PRKN: variants seen among roughly 807,000 people sequenced by gnomAD.
PRKN encodes the protein parkin RBR E3 ubiquitin protein ligase, also known as E3 ubiquitin-protein ligase parkin.
Under a neutral mutation model 59.5 loss-of-function variants are expected in PRKN, and 56 were observed. The ratio of observed to expected loss-of-function variants is 0.94; its 90% confidence interval spans 0.76 to 1.18. The LOEUF is 1.18. Among genes scored for constraint, PRKN ranks in the 50% most tolerant of loss-of-function variants. The pLI is 0.00. For synonymous variants in PRKN, 250 were observed against 222.1 expected (o/e 1.13, Z -1.12); for missense variants, 657 against 596.4 (o/e 1.10, Z -1.06).
At chr6:161,430,377 G>T (rs1055838667) in intron 9 of PRKN, among the ~76,000 whole-genome samples, 3 of 152,182 alleles carry the variant, frequency 2.0e-5, no homozygotes, top group African/African-American at 7.2e-5. Flanking sequence ...GAGTTTTGGA[G>T]AGAACAGTGA....
At chr6:162,601,230 G>A (rs958792365) in intron 1 of PRKN, among the ~76,000 whole-genome samples, 1 of 151,760 alleles carries the variant, frequency 6.6e-6, no homozygotes, top group Non-Finnish European at 1.5e-5. Flanking sequence ...GCCCCACCCC[G>A]ATGACCTTAT....
rs77383917 is a variant in PRKN, at chr6:162,243,009, TAAAAAAAAAAAA to T, written c.412+19504_412+19515del. Reference sequence around the variant, plus strand: ...ATTACCCAAAGAGCTGTTGGTTCCTTAAAAAAAAAAAAACATTTATCAGCCAATCTTGCAGAC... The same window carrying T: ...ATTACCCAAAGAGCTGTTGGTTCCTTACATTTATCAGCCAATCTTGCAGAC... On this transcript the variant is annotated intron_variant, in intron 3 of 11. Transcript: ENST00000366898. Among the ~76,000 whole-genome samples the T allele has an allele frequency of 1.5e-3, 215 of 144,964 alleles. 3 individuals carry two copies. Among genetic ancestry groups the T allele is most frequent in the Non-Finnish European group, 6.7e-4 (44 of 65,282 alleles).
chr6:161,635,851 G>A (rs1366735315), intron 7 of PRKN, among the ~76,000 whole-genome samples: 1 of 152,142 alleles, frequency 6.6e-6, no homozygotes, highest in African/African-American at 2.4e-5. Context: ...TCCTGAAAGA[G>A]CTCTAATTAA....
chr6:162,453,973 A>G (rs886584276), intron 1 of PRKN, among the ~76,000 whole-genome samples: 2 of 152,192 alleles, frequency 1.3e-5, no homozygotes, highest in African/African-American at 4.8e-5. Flanking sequence ...GATGACAAAG[A>G]AAGGAGAAGA....
chr6:162,341,607 G>C (rs925341516), intron 2 of PRKN, among the ~76,000 whole-genome samples: 2 of 152,118 alleles, frequency 1.3e-5, no homozygotes, highest in African/African-American at 4.8e-5. Context: ...GTCCTTTGCA[G>C]GGACATGGAT....
intron 9 of PRKN, among the ~76,000 whole-genome samples, chr6:161,436,635 G>A (rs1345144933): frequency 6.6e-6 from 1 of 151,966 alleles, no homozygotes; most frequent in Non-Finnish European, 1.5e-5. Context: ...AGAAAGGCAT[G>A]ATGGGAACGT....
chr6:161,832,788 G>C lies in PRKN; in HGVS notation c.735-46880C>G, dbSNP rs188996055. Among the ~76,000 whole-genome samples the C allele has an allele frequency of 7.0e-4, 106 of 152,172 alleles. 1 individual carries two copies. The highest frequency in any genetic ancestry group is 3.9e-3 in the East Asian group (20 of 5,156). ...TCACCCTCCCCATTCTCTACGGTCT[G>C]TCTGGAGAAAGCTTTGTGGCGGCGC... On this transcript the variant is annotated intron_variant, in intron 6 of 11. Transcript: ENST00000366898.
intron 5 of PRKN, among the ~76,000 whole-genome samples, chr6:162,042,236 T>C (rs1005404497): frequency 2.6e-5 from 4 of 152,218 alleles, no homozygotes; most frequent in South Asian, 2.1e-4. Context: ...ATTTATTTTA[T>C]TGAAATAAAA....
At chr6:161,832,539 G>A (rs966472094) in intron 6 of PRKN, among the ~76,000 whole-genome samples, 2 of 149,286 alleles carry the variant, frequency 1.3e-5, no homozygotes, top group Middle Eastern at 3.6e-3. Context: ...CAGGAGAATC[G>A]CTTGAACCCA....
rs1785545899 is a variant in PRKN at position 161,373,959 on chromosome 6, CT to C, written c.1167+12834del. On this transcript the variant is annotated intron_variant, in intron 10 of 11. Transcript: ENST00000366898. This position sits in a 1 kb window ranked among gnomAD's most constrained non-coding sequence, Gnocchi z 4.8. Reference sequence around the variant, plus strand: ...CACTATGCAGGCGTGGCTGGGGTGCCTTTCAAAGTGGCGTTCACTCCCTTTT... The same window carrying C: ...CACTATGCAGGCGTGGCTGGGGTGCCTTCAAAGTGGCGTTCACTCCCTTTT... Among the ~76,000 whole-genome samples the C allele has an allele frequency of 6.6e-6, 1 of 152,170 alleles. No homozygotes were observed.
intron 4 of PRKN, among the ~76,000 whole-genome samples, chr6:162,124,594 AGGTTGTG>A (rs1470765958): frequency 1.3e-5 from 2 of 152,126 alleles, no homozygotes; most frequent in Non-Finnish European, 2.9e-5. Context: ...ATGAACGTTG[AGGTTGTG>A]GGTGTGGCTG....
chr6:162,269,126 G>C (rs916550905), intron 2 of PRKN, among the ~76,000 whole-genome samples: 3 of 152,136 alleles, frequency 2.0e-5, no homozygotes, highest in African/African-American at 7.2e-5. Flanking sequence ...CCGGATGCTG[G>C]TGCTGGCTCA....
intron 1 of PRKN, among the ~76,000 whole-genome samples, chr6:162,498,373 T>A (rs1202386200): frequency 1.5e-5 from 2 of 132,798 alleles, no homozygotes; most frequent in East Asian, 4.2e-4. Context: ...TCCAGCAGAA[T>A]CATTTTTTTT....
chr6:162,338,538 TCTC>T (rs1783961758), intron 2 of PRKN, among the ~76,000 whole-genome samples: 1 of 151,918 alleles, frequency 6.6e-6, no homozygotes, highest in Admixed American at 6.6e-5. Flanking sequence ...GCAGACGGAG[TCTC>T]CTTCACTCAG....
At chr6:162,512,589 C>T (rs1250049897) in intron 1 of PRKN, among the ~76,000 whole-genome samples, 2 of 152,140 alleles carry the variant, frequency 1.3e-5, no homozygotes, top group South Asian at 2.1e-4. Context: ...ATAGGTGTTA[C>T]TAATTTTGTC....
At chr6:161,957,649 T>A (rs1011696912) in intron 6 of PRKN, among the ~76,000 whole-genome samples, 3 of 152,164 alleles carry the variant, frequency 2.0e-5, no homozygotes, top group African/African-American at 7.2e-5. Context: ...GGTCTCAATC[T>A]CCTGACCTTG....
chr6:162,255,908 G>A (rs1169631343), intron 3 of PRKN, among the ~76,000 whole-genome samples: 1 of 152,160 alleles, frequency 6.6e-6, no homozygotes. Context: ...TCGGCCATTT[G>A]ATTCCCTTCT....
chr6:161,433,375 G>T (rs7758417), intron 9 of PRKN, among the ~76,000 whole-genome samples: 3,617 of 149,592 alleles, frequency 0.024, 145 homozygotes, highest in African/African-American at 0.082. Context: ...TTTGTTGTTT[G>T]GATTAACTGT....
At chr6:162,668,037 CAT>C (rs1584014452) in intron 1 of PRKN, among the ~76,000 whole-genome samples, 3 of 152,136 alleles carry the variant, frequency 2.0e-5, no homozygotes, top group Non-Finnish European at 2.9e-5. Context: ...AGAGAAGTGT[CAT>C]ATACATTTCT....
Sources: gnomAD v4.1 joint callset for allele counts (sites outside exome capture counted in the v4.1 genomes callset) on GRCh38, gnomAD v4.1.1 for gene constraint, Gnocchi (gnomAD v3.1) non-coding constraint, MANE v1.5 for transcripts, NCBI Gene and HGNC (gene_info 2026-07-23, HGNC 2026-07-21) for gene names.